PPM1H: variants seen among roughly 807,000 people sequenced by gnomAD.
PPM1H encodes the protein protein phosphatase 1H.
Under a neutral mutation model 54.9 loss-of-function variants are expected in PPM1H, and 27 were observed. The observed-to-expected ratio is 0.49, with a 90% confidence interval of 0.36 to 0.68. The LOEUF is 0.68. Among genes scored for constraint, PPM1H ranks in the 30% least tolerant of loss-of-function variants. The pLI, the probability that PPM1H is intolerant of heterozygous loss-of-function variation, is 0.00. For synonymous variants in PPM1H, 305 were observed against 270.8 expected, an observed-to-expected ratio of 1.13 and a Z score of -1.24; for missense variants, 596 against 667.8, an observed-to-expected ratio of 0.89 and a Z score of 1.19.
intron 1 of PPM1H, among the ~76,000 whole-genome samples, chr12:62,922,699 C>T (rs1430581231): frequency 6.6e-6 from 1 of 152,048 alleles, no homozygotes; most frequent in Non-Finnish European, 1.5e-5. Context: ...TTCAGAGGAC[C>T]CAGCTGGTCT....
intron 7 of PPM1H, 60 bp downstream of exon 7, chr12:62,693,875 TG>T (rs1453121285): frequency 1.3e-5 from 19 of 1,468,860 alleles, no homozygotes; most frequent in Non-Finnish European, 1.8e-5. Context: ...CCACGGGCTA[TG>T]TGGAGCGAAG....
chr12:62,822,645 T>G (rs2076911253), intron 2 of PPM1H, among the ~76,000 whole-genome samples: 1 of 152,086 alleles, frequency 6.6e-6, no homozygotes, highest in African/African-American at 2.4e-5. Flanking sequence ...GAATGACTAC[T>G]GGGTACATAA....
At chr12:62,826,085 A>T (rs1474485409) in intron 2 of PPM1H, among the ~76,000 whole-genome samples, 4 of 152,220 alleles carry the variant, frequency 2.6e-5, no homozygotes, top group Non-Finnish European at 5.9e-5. Context: ...ATAATTCTTT[A>T]TGAATTGGTA....
intron 4 of PPM1H, among the ~76,000 whole-genome samples, chr12:62,762,054 T>C (rs60354825): frequency 0.16 from 24,262 of 152,228 alleles, 2,363 homozygotes; most frequent in African/African-American, 0.28. Flanking sequence ...TAGCACTGCC[T>C]TGCTGTGTGC....
intron 3 of PPM1H, among the ~76,000 whole-genome samples, chr12:62,795,230 CT>C (rs2076725630): frequency 6.6e-6 from 1 of 152,040 alleles, no homozygotes; most frequent in South Asian, 2.1e-4. Context: ...TTCTGTTCGT[CT>C]GTATTTTGTG....
intron 2 of PPM1H, among the ~76,000 whole-genome samples, chr12:62,818,096 C>T (rs946984540): frequency 2.0e-5 from 3 of 152,162 alleles, no homozygotes; most frequent in South Asian, 2.1e-4. Flanking sequence ...GGGAGTCAGA[C>T]GTGGGCAAAA....
At chr12:62,873,280 C>G (rs1245439042) in intron 1 of PPM1H, among the ~76,000 whole-genome samples, 1 of 152,216 alleles carries the variant, frequency 6.6e-6, no homozygotes, top group Non-Finnish European at 1.5e-5. Flanking sequence ...TGTACATCCT[C>G]AACTACACAC....
intron 4 of PPM1H, among the ~76,000 whole-genome samples, chr12:62,777,120 G>A (rs1464716502): frequency 2.0e-5 from 3 of 152,190 alleles, no homozygotes; most frequent in African/African-American, 7.2e-5. Context: ...ATAAAGCACA[G>A]GGCTTAGCCT....
chr12:62,673,995 G>A lies in PPM1H; in HGVS notation c.1246-6666C>T, dbSNP rs577805664. Among the ~76,000 whole-genome samples the A allele has an allele frequency of 7.2e-5, 11 of 151,878 alleles. No homozygotes were observed. The South Asian group carries it at 1.0e-3, about 14-fold the overall frequency. ...GCCGTCCAAAGTGCTGGAATTACAC[G>A]TACACACCACTGCACCTGGCCTAGC... On this transcript the variant is annotated intron_variant, in intron 8 of 9. Coordinates refer to ENST00000228705, the MANE Select transcript of PPM1H (RefSeq NM_020700.2).
intron 1 of PPM1H, among the ~76,000 whole-genome samples, chr12:62,916,919 C>G (rs17098564): frequency 0.034 from 4,061 of 117,844 alleles, 187 homozygotes; most frequent in African/African-American, 0.11. Flanking sequence ...CACTAGTTAC[C>G]CTCTACTTAA....
intron 1 of PPM1H, among the ~76,000 whole-genome samples, chr12:62,880,973 AG>A (rs1260032482): frequency 1.3e-5 from 2 of 152,160 alleles, no homozygotes; most frequent in Non-Finnish European, 2.9e-5. Context: ...CAGGCACTTC[AG>A]AACTTCAGCA....
intron 4 of PPM1H, among the ~76,000 whole-genome samples, chr12:62,739,610 A>T (rs575915367): frequency 6.6e-6 from 1 of 152,218 alleles, no homozygotes; most frequent in Admixed American, 6.5e-5. Context: ...ATGGACTAGG[A>T]AGAGCCAGCG....
intron 1 of PPM1H, among the ~76,000 whole-genome samples, chr12:62,907,810 A>T (rs1871344264): frequency 6.6e-6 from 1 of 152,142 alleles, no homozygotes; most frequent in Admixed American, 6.5e-5. Context: ...ATCTGGAAAA[A>T]GGTGCCTAAC....
chr12:62,775,492 T>C (rs986661534), intron 4 of PPM1H, among the ~76,000 whole-genome samples: 3 of 152,260 alleles, frequency 2.0e-5, no homozygotes, highest in African/African-American at 7.2e-5. Flanking sequence ...TACAAACCAC[T>C]TTACAAGATG....
chr12:62,732,166 C>G (rs1034300841), intron 5 of PPM1H, among the ~76,000 whole-genome samples: 2 of 152,232 alleles, frequency 1.3e-5, no homozygotes, highest in African/African-American at 4.8e-5. Context: ...TTGAACTCCT[C>G]ATCACACACC....
chr12:62,759,860 C>A (rs920117209), intron 4 of PPM1H, among the ~76,000 whole-genome samples: 2 of 151,298 alleles, frequency 1.3e-5, no homozygotes, highest in Non-Finnish European at 2.9e-5. Flanking sequence ...CAAGCATCTC[C>A]CACCCTGTTT....
intron 1 of PPM1H, among the ~76,000 whole-genome samples, chr12:62,860,362 G>A (rs551784226): frequency 8.5e-5 from 13 of 152,120 alleles, no homozygotes; most frequent in Non-Finnish European, 1.8e-4. Context: ...TGGGGACACA[G>A]CCAAACCATA....
rs145266014 is a variant in PPM1H, at chr12:62,930,498, G to C, written c.245+3994C>G. Among the ~76,000 whole-genome samples the C allele has an allele frequency of 1.2e-4, 18 of 152,232 alleles. No homozygotes were observed. In the East Asian group the frequency reaches 3.5e-3, roughly 29 times the overall value. On this transcript the variant is annotated intron_variant, in intron 1 of 9. Coordinates refer to ENST00000228705, the MANE Select transcript of PPM1H (RefSeq NM_020700.2). ...TGCTCAAAACCACAACACATTCTTT[G>C]GCATTCCCTACGTCTGTAGTTTCAG...
At chr12:62,905,128 G>C (rs866310479) in intron 1 of PPM1H, among the ~76,000 whole-genome samples, 9 of 152,142 alleles carry the variant, frequency 5.9e-5, no homozygotes, top group Middle Eastern at 3.2e-3. Flanking sequence ...CCATCTCATA[G>C]GGTTGTTACA....
Sources: allele counts gnomAD v4.1 joint callset (sites outside exome capture counted in the v4.1 genomes callset), GRCh38; gene constraint gnomAD v4.1.1; transcripts MANE v1.5; gene names NCBI Gene and HGNC (gene_info 2026-07-23, HGNC 2026-07-21).